LIPE: variants seen among roughly 807,000 people sequenced by gnomAD.
LIPE encodes hormone-sensitive lipase.
In LIPE, 66 loss-of-function variants were observed where a neutral mutation model predicts 88.5. The ratio of observed to expected loss-of-function variants is 0.75; its 90% CI spans 0.61 to 0.91. The LOEUF (loss-of-function observed/expected upper bound fraction) is 0.91. LIPE is among the 40% of genes least tolerant of loss of function. The probability of loss-of-function intolerance (pLI) is 0.00; values close to 1 mark genes in which losing one functional copy is unlikely to be tolerated. For synonymous variants in LIPE, 570 were observed against 617.5 expected (o/e 0.92, Z 1.14); for missense variants, 1,346 against 1,434.7 (o/e 0.94, Z 1.00).
Position 42,406,081 on chromosome 19 carries a change from G to T in LIPE, c.2365+80C>A. 1 of 1,258,950 alleles carries T rather than the reference G, an allele frequency of 7.9e-7. No homozygotes were observed. The highest frequency in any genetic ancestry group is 1.1e-6 in the Non-Finnish European group (1 of 892,904). 78.0% of individuals were successfully genotyped at this position (1,258,950 alleles called of 1,614,324 possible). ...CTGGCCTCTCCTTCCTCAGTCACAG[G>T]AGTCCTGGTCCCCAGCCCGTCCCTG... On this transcript the variant is annotated intron_variant, in intron 7 of 9. Coordinates refer to ENST00000244289, the MANE Select transcript of LIPE (RefSeq NM_005357.4). The surrounding 1 kb of genome is among the most constrained non-coding windows in gnomAD (Gnocchi z 5.7).
Position 42,410,187 on chromosome 19 carries a change from C to T in LIPE, c.1419+120G>A, listed in dbSNP as rs2040328540. 9.7e-7 allele frequency: 1 copy of T among 1,028,722 alleles called. No homozygotes were observed. Among genetic ancestry groups the T allele is most frequent in the Non-Finnish European group, 1.4e-6 (1 of 724,250 alleles). The allele number at this position is 1,028,722 out of a possible 1,614,324, so 63.7% of individuals were successfully genotyped here. Reference sequence around the variant, plus strand: ...TCCAGCCAACTTCTCCTTTCTGTACCTGCTGTTTGCTGAGTCCGATAATGC... The same window carrying T: ...TCCAGCCAACTTCTCCTTTCTGTACTTGCTGTTTGCTGAGTCCGATAATGC... On this transcript the variant is annotated intron_variant, in intron 2 of 9. Transcript: ENST00000244289. This position sits in a 1 kb window ranked among gnomAD's most constrained non-coding sequence, Gnocchi z 6.1.
chr19:42,426,969 G>A lies in LIPE; in HGVS notation c.181C>T (p.Gln61Ter). 1 of 1,614,118 alleles carries A rather than the reference G, an allele frequency of 6.2e-7. No homozygotes were observed. ...GCATCATGTTGTGCAGGGGTCTCCT[G>A]CTGGGTGAGGGGTCTTTGGTTTGAA... ...PASNQRPLTQ[Q>*]ETPAQHDAES... Residue 61 changes from glutamine to a stop codon, truncating the protein, a stop_gained, in exon 1 of 10, where the codon CAG (glutamine) becomes TAG (stop). Coordinates refer to ENST00000244289, the MANE Select transcript of LIPE (RefSeq NM_005357.4). LOFTEE classifies it high-confidence loss of function.
intron 1 of LIPE, chr19:42,424,922 C>T (rs2040680645): frequency 9.1e-6 from 3 of 331,066 alleles, no homozygotes; most frequent in Admixed American, 4.4e-5. Context: ...CTGCGGTGAG[C>T]CCAGAGCCTT....
Position 42,408,200 on chromosome 19 carries a change from T to C in LIPE, c.1510+32A>G, listed in dbSNP as rs376316055. The C allele has an allele frequency of 3.1e-6, 5 of 1,612,924 alleles. No individual in the cohort carries two copies. In the African/African-American group the frequency reaches 6.7e-5, roughly 22 times the overall value. ...GGAGTGGGGAGGAGGGCCAAGAGAGTAGGCTGCGAGTAGAACCTGGCTGGG... is the reference window on the plus strand; with the variant it reads ...GGAGTGGGGAGGAGGGCCAAGAGAGCAGGCTGCGAGTAGAACCTGGCTGGG... On this transcript the variant is annotated intron_variant, in intron 3 of 9. Transcript: ENST00000244289. The surrounding 1 kb of genome is among the most constrained non-coding windows in gnomAD (Gnocchi z 4.3).
At position 42,404,902 on chromosome 19, in the gene LIPE, G is replaced by A. The variant is rs147801703; in HGVS notation, c.2542+483C>T. Among the ~76,000 whole-genome samples the A allele has an allele frequency of 3.3e-5, 5 of 152,018 alleles. No homozygotes were observed. The East Asian group carries it at 5.8e-4, about 18-fold the overall frequency. On this transcript the variant is annotated intron_variant, in intron 8 of 9. Transcript: ENST00000244289. The stretch of plus-strand genomic sequence containing the variant: ...ATTTTTTTTTTTGAGACAAGGTATC[G>A]CTGTGTCACCCAGGCTGGAGTACAG...
Position 42,410,877 on chromosome 19 carries a change from T to TGGACCAAGCCTTGCTTAGCTGGGGCC in LIPE, c.884-36_884-35insGGCCCCAGCTAAGCAAGGCTTGGTCC, listed in dbSNP as rs1568605530. 4 of 1,515,436 alleles carry TGGACCAAGCCTTGCTTAGCTGGGGCC rather than the reference T, an allele frequency of 2.6e-6. No individual in the cohort carries two copies. In the Admixed American group the frequency reaches 6.4e-5, roughly 24 times the overall value. 93.9% of individuals were successfully genotyped at this position (1,515,436 alleles called of 1,614,324 possible). A position where few individuals can be genotyped will look rare whatever the true frequency, so the allele number is the denominator to read the frequency against. On this transcript the variant is annotated intron_variant, in intron 1 of 9. Coordinates refer to ENST00000244289, the MANE Select transcript of LIPE (RefSeq NM_005357.4). The surrounding 1 kb of genome is among the most constrained non-coding windows in gnomAD (Gnocchi z 6.1). ...GGTGGGGAGGCCTGTTAGGTGGGGCTGGATCAAGCCTTGCTTAGCTGGGGC... is the reference window on the plus strand; with the variant it reads ...GGTGGGGAGGCCTGTTAGGTGGGGCTGGACCAAGCCTTGCTTAGCTGGGGCCGGATCAAGCCTTGCTTAGCTGGGGC...
At position 42,427,047 on chromosome 19, in the gene LIPE, C is replaced by T; in HGVS notation, c.103G>A (p.Ala35Thr). 1 of 1,614,098 alleles carries T rather than the reference C, an allele frequency of 6.2e-7. No homozygotes were observed. Among genetic ancestry groups the T allele is most frequent in the Non-Finnish European group, 8.5e-7 (1 of 1,180,028 alleles). The change falls in exon 1 of 10, where the codon GCC becomes ACC. Residue 35 changes from alanine to threonine, a missense_variant. Coordinates refer to ENST00000244289, the MANE Select transcript of LIPE (RefSeq NM_005357.4). ...TGCAGAGTCTTCGATTCTGGCTGGG[C>T]TATGGGTGTCTTTTCTGGCCCAGGC... ...LEPGPEKTPIAQPESKTLQGS... is the reference protein window; with the variant it reads ...LEPGPEKTPITQPESKTLQGS...
rs137965669 is a variant in LIPE at position 42,410,781 on chromosome 19, C to T, written c.945G>A (p.Ala315=). Residue 315 remains alanine (A), a synonymous_variant, in exon 2 of 10, where the codon GCG becomes GCA. Transcript: ENST00000244289. The surrounding 1 kb of genome is among the most constrained non-coding windows in gnomAD (Gnocchi z 6.1). ...RTMTQSLVTL[A]EDNIAFFSSQ... ...TCGAGAAGAAGGCTATGTTGTCCTCCGCCAGAGTCACCAGCGACTGTGTCA... is the reference window on the plus strand; with the variant it reads ...TCGAGAAGAAGGCTATGTTGTCCTCTGCCAGAGTCACCAGCGACTGTGTCA... 8 of 1,603,894 alleles carry T rather than the reference C, an allele frequency of 5.0e-6. No individual in the cohort carries two copies. Among genetic ancestry groups the T allele is most frequent in the African/African-American group, 4.0e-5 (3 of 74,814 alleles).
In LIPE at chr19:42,406,019, C is replaced by T. The variant is rs1037809625; in HGVS notation, c.2365+142G>A. ...ACACACACACACACACACACACACA[C>T]GAAAAAAAAGGGACAAGGAGTCTTA... On this transcript the variant is annotated intron_variant, in intron 7 of 9. Transcript: ENST00000244289. This position sits in a 1 kb window ranked among gnomAD's most constrained non-coding sequence, Gnocchi z 5.7. 7.4e-5 allele frequency: 45 copies of T among 610,744 alleles called. No individual in the cohort carries two copies. The Admixed American group carries it at 8.1e-4, about 11-fold the overall frequency. 37.8% of individuals were successfully genotyped at this position (610,744 alleles called of 1,614,324 possible). A position where few individuals can be genotyped will look rare whatever the true frequency, so the allele number is the denominator to read the frequency against.
At chr19:42,405,912 T>A (rs1340580590) in intron 7 of LIPE, 6 of 567,464 alleles carry the variant, frequency 1.1e-5, no homozygotes, top group Non-Finnish European at 1.9e-5. Flanking sequence ...GTGAGGTGTG[T>A]TTGAGCCACT....
Position 42,401,655 on chromosome 19 carries a change from T to C in LIPE, c.*157A>G, listed in dbSNP as rs1194709938. On this transcript the variant is annotated 3_prime_UTR_variant, in exon 10 of 10. Transcript: ENST00000244289. The stretch of plus-strand genomic sequence containing the variant: ...CAGCCGTCTCGGTGACCGGTGTGTG[T>C]GCGCGTCCCCCTCCCCGTGGCGAGG... 1.0e-5 allele frequency: 6 copies of C among 592,564 alleles called. No homozygotes were observed. Among genetic ancestry groups the C allele is most frequent in the Admixed American group, 3.8e-5 (1 of 26,270 alleles). The allele number at this position is 592,564 out of a possible 1,614,324, so 36.7% of individuals were successfully genotyped here. A position where few individuals can be genotyped will look rare whatever the true frequency, so the allele number is the denominator to read the frequency against.
rs927433437 is a variant in LIPE at position 42,406,493 on chromosome 19, G to T, written c.2138-105C>A. 6.5e-6 allele frequency: 6 copies of T among 918,524 alleles called. No homozygotes were observed. Among genetic ancestry groups the T allele is most frequent in the Non-Finnish European group, 3.4e-6 (2 of 583,996 alleles). The allele number at this position is 918,524 out of a possible 1,614,324, so 56.9% of individuals were successfully genotyped here. On this transcript the variant is annotated intron_variant, in intron 6 of 9. Coordinates refer to ENST00000244289, the MANE Select transcript of LIPE (RefSeq NM_005357.4). This position sits in a 1 kb window ranked among gnomAD's most constrained non-coding sequence, Gnocchi z 5.7. ...GGGAGAACTGGGCTCTCCAAGGTGGGGTGTGGGGCACTCCAAGGCCTAGCA... is the reference window on the plus strand; with the variant it reads ...GGGAGAACTGGGCTCTCCAAGGTGGTGTGTGGGGCACTCCAAGGCCTAGCA...
In LIPE at chr19:42,402,938, A is replaced by G. The variant is rs2040034862; in HGVS notation, c.2636T>C (p.Leu879Ser). The change falls in exon 9 of 10, where the codon TTG becomes TCG. Residue 879 changes from leucine (L) to serine (S), a missense_variant. Transcript: ENST00000244289. The part of the protein sequence containing the change: ...DSLKNLTLRD[L>S]SLRGNSETSS... ...CGTCTCGGAGTTTCCCCTCAGGCTC[A>G]AGTCCCTCAGGGTCAGGTTCTTGAG... 6.2e-7 allele frequency: 1 copy of G among 1,610,436 alleles called. No homozygotes were observed. The highest frequency in any genetic ancestry group is 1.7e-4 in the Middle Eastern group (1 of 6,060).
intron 1 of LIPE, chr19:42,423,788 C>G (rs2040652287): frequency 6.3e-6 from 7 of 1,110,120 alleles, no homozygotes; most frequent in Non-Finnish European, 7.8e-6. Flanking sequence ...AAAGGCAACC[C>G]CGGGGGTGGC....
At position 42,408,471 on chromosome 19, in the gene LIPE, G is replaced by A; in HGVS notation, c.1420-149C>T. The A allele has an allele frequency of 1.5e-6, 1 of 669,926 alleles. No homozygotes were observed. Among genetic ancestry groups the A allele is most frequent in the Non-Finnish European group, 2.7e-6 (1 of 377,018 alleles). 41.5% of individuals were successfully genotyped at this position (669,926 alleles called of 1,614,324 possible). Reference sequence around the variant, plus strand: ...GTGTGCTGGGCATAGCTCTCGGCTGGTTCACGGACCTGATGTTCTCAAAGG... The same window carrying A: ...GTGTGCTGGGCATAGCTCTCGGCTGATTCACGGACCTGATGTTCTCAAAGG... On this transcript the variant is annotated intron_variant, in intron 2 of 9. Transcript: ENST00000244289. This position sits in a 1 kb window ranked among gnomAD's most constrained non-coding sequence, Gnocchi z 4.3.
At chr19:42,415,773 GC>G (rs1479576485) in intron 1 of LIPE, among the ~76,000 whole-genome samples, 1 of 151,282 alleles carries the variant, frequency 6.6e-6, no homozygotes, top group Non-Finnish European at 1.5e-5. Flanking sequence ...TCGCGCCACT[GC>G]ACTCCAGCCT....
rs746915661 is a variant in LIPE, at chr19:42,426,412, A to G, written c.738T>C (p.Ser246=). The G allele has an allele frequency of 1.2e-6, 2 of 1,614,022 alleles. No homozygotes were observed. The highest frequency in any genetic ancestry group is 1.7e-6 in the Non-Finnish European group (2 of 1,180,008). Residue 246 remains serine, a synonymous_variant, in exon 1 of 10, where the codon TCT becomes TCC. Coordinates refer to ENST00000244289, the MANE Select transcript of LIPE (RefSeq NM_005357.4). ...CCACCATTCCACCCATCGTGGCTGGAGAATCTGTGTCTGAAGATGATCCCA... is the reference window on the plus strand; with the variant it reads ...CCACCATTCCACCCATCGTGGCTGGGGAATCTGTGTCTGAAGATGATCCCA... The part of the protein sequence containing the change: ...SDVGSSSDTD[S]PATMGGMVAQ...
chr19:42,416,113 C>T (rs2083126124), intron 1 of LIPE, among the ~76,000 whole-genome samples: 1 of 152,128 alleles, frequency 6.6e-6, no homozygotes, highest in Non-Finnish European at 1.5e-5. Context: ...GAGGCTGAGG[C>T]AGGTGGATCA....
At chr19:42,402,514 T>G in intron 9 of LIPE, 93 bp downstream of exon 9, 2 of 1,186,750 alleles carry the variant, frequency 1.7e-6, no homozygotes, top group South Asian at 4.8e-5. Flanking sequence ...TCCGGAGCTC[T>G]TTTTCCCAGG....
Sources: allele counts gnomAD v4.1 joint callset (sites outside exome capture counted in the v4.1 genomes callset), GRCh38; gene constraint gnomAD v4.1.1; non-coding constraint Gnocchi (gnomAD v3.1); transcripts MANE v1.5; gene names NCBI Gene and HGNC (gene_info 2026-07-23, HGNC 2026-07-21).